The following NBPF3 variants were observed in gnomAD, a reference collection of about 807,000 sequenced individuals.
NBPF3 encodes NBPF family member NBPF3.
A neutral mutation model predicts 78.1 loss-of-function variants in NBPF3; 57 were observed. That is an observed-to-expected ratio of 0.73 (90% CI 0.59 to 0.91). The LOEUF (loss-of-function observed/expected upper bound fraction) is 0.91. Among genes scored for constraint, NBPF3 ranks in the 40% least tolerant of loss-of-function variants. The pLI, the probability that NBPF3 is intolerant of heterozygous loss-of-function variation, is 0.00. For synonymous variants in NBPF3, 182 were observed against 271.7 expected (o/e 0.67, Z 3.25); for missense variants, 510 against 715.3 (o/e 0.71, Z 3.27).
intron 2 of NBPF3, among the ~76,000 whole-genome samples, chr1:21,451,100 T>C (rs1167217342): frequency 1.3e-5 from 2 of 152,248 alleles, no homozygotes. Flanking sequence ...CACACTCTTT[T>C]GCATATGGCT....
chr1:21,457,304 A>T (rs1641659656), intron 2 of NBPF3, among the ~76,000 whole-genome samples: 1 of 150,976 alleles, frequency 6.6e-6, no homozygotes, highest in Admixed American at 6.6e-5. Flanking sequence ...AATATAGGAG[A>T]TATCATATTT....
rs1346138930 is a variant in NBPF3 at position 21,460,343 on chromosome 1, C to T, written c.134-8345C>T. Among the ~76,000 whole-genome samples the T allele has an allele frequency of 2.0e-5, 3 of 152,118 alleles. No individual in the cohort carries two copies. The highest frequency in any genetic ancestry group is 4.4e-5 in the Non-Finnish European group (3 of 68,028). ...CACCCATTAACTCGTCATTTACATTCGGTATTTCTCCTAATGCTATCCCTC... is the reference window on the plus strand; with the variant it reads ...CACCCATTAACTCGTCATTTACATTTGGTATTTCTCCTAATGCTATCCCTC... On this transcript the variant is annotated intron_variant, in intron 2 of 14. Transcript: ENST00000318249. This position sits in a 1 kb window ranked among gnomAD's most constrained non-coding sequence, Gnocchi z 4.2.
At chr1:21,478,375 G>A in intron 9 of NBPF3, 68 bp downstream of exon 9, 1 of 1,552,016 alleles carries the variant, frequency 6.4e-7, no homozygotes. Flanking sequence ...TAATCTTTGG[G>A]CCTTGTGACC....
At chr1:21,474,873 G>A (rs1642806716) in intron 7 of NBPF3, 27 bp from the exon 8 acceptor site, 1 of 1,591,000 alleles carries the variant, frequency 6.3e-7, no homozygotes, top group Non-Finnish European at 8.6e-7. Context: ...TGCTTAATGT[G>A]ACCTGCTTCT....
At chr1:21,461,876 C>T (rs7367510) in intron 2 of NBPF3, among the ~76,000 whole-genome samples, 2 of 152,170 alleles carry the variant, frequency 1.3e-5, no homozygotes. Flanking sequence ...TCCCCAGTGT[C>T]GGAGGTGGGG....
Position 21,476,984 on chromosome 1 carries a change from C to CT in NBPF3, c.993-1154dup, listed in dbSNP as rs938371693. 2.0e-4 allele frequency among the ~76,000 whole-genome samples: 30 copies of CT among 152,140 alleles called. No homozygotes were observed. The highest frequency in any genetic ancestry group is 1.4e-3 in the Admixed American group (21 of 15,272). ...GAGGCTTTGTTCATTTCTTTTTACT[C>CT]TTTTTTCTCTAAACTGCTCTTCTCA... On this transcript the variant is annotated intron_variant, in intron 8 of 14. Transcript: ENST00000318249. This position sits in a 1 kb window ranked among gnomAD's most constrained non-coding sequence, Gnocchi z 4.1.
intron 9 of NBPF3, among the ~76,000 whole-genome samples, chr1:21,478,872 A>G (rs1643024833): frequency 6.6e-6 from 1 of 152,138 alleles, no homozygotes; most frequent in Non-Finnish European, 1.5e-5. Context: ...CTGACTTTTC[A>G]CCCACAAAAG....
At chr1:21,449,214 T>C (rs1190340076) in intron 2 of NBPF3, among the ~76,000 whole-genome samples, 2 of 152,120 alleles carry the variant, frequency 1.3e-5, no homozygotes, top group African/African-American at 4.8e-5. Context: ...CTTTATATAG[T>C]GGACTATTGT....
At chr1:21,471,384 A>T (rs1308700544) in intron 4 of NBPF3, among the ~76,000 whole-genome samples, 185 bp from the exon 5 acceptor site, 2 of 152,208 alleles carry the variant, frequency 1.3e-5, no homozygotes, top group Non-Finnish European at 2.9e-5. Context: ...CCTCTCTCAT[A>T]CAGAGGAAGC....
At chr1:21,468,946 C>A in intron 3 of NBPF3, 49 bp downstream of exon 3, 1 of 1,397,496 alleles carries the variant, frequency 7.2e-7, no homozygotes, top group Non-Finnish European at 1.0e-6. Flanking sequence ...GATGTCCTGT[C>A]TTCTCGCTGA....
chr1:21,480,680 C>T lies in NBPF3; in HGVS notation c.1382-250C>T, dbSNP rs1367768778. Among the ~76,000 whole-genome samples the T allele has an allele frequency of 2.0e-5, 3 of 152,310 alleles. No individual in the cohort carries two copies. The East Asian group carries it at 5.8e-4, about 29-fold the overall frequency. On this transcript the variant is annotated intron_variant, in intron 11 of 14. Coordinates refer to ENST00000318249, the MANE Select transcript of NBPF3 (RefSeq NM_032264.6). ...GGGAGCAATAAGGCATAACTGTTTG[C>T]ACAAACTTGGGATAAATGATTTTGG...
Position 21,466,185 on chromosome 1 carries a change from C to T in NBPF3, c.134-2503C>T, listed in dbSNP as rs140408046. 465 of 932,684 alleles carry T rather than the reference C, an allele frequency of 5.0e-4. 6 individuals are homozygous for T. The East Asian group carries it at 0.037, about 74-fold the overall frequency. 57.8% of individuals were successfully genotyped at this position (932,684 alleles called of 1,614,324 possible). The stretch of plus-strand genomic sequence containing the variant: ...AGTGCAGGGGCAAGTCCAGGTCATA[C>T]TGAGAGACAACGAGTGGCGCTGACA... On this transcript the variant is annotated intron_variant, in intron 2 of 14. Transcript: ENST00000318249.
intron 3 of NBPF3, among the ~76,000 whole-genome samples, chr1:21,470,233 A>G (rs1430227818): frequency 6.6e-6 from 1 of 152,242 alleles, no homozygotes; most frequent in Non-Finnish European, 1.5e-5. Context: ...AAGGGAAACC[A>G]TCAGTCCCAT....
rs371433372 is a variant in NBPF3, at chr1:21,445,207, C to T, written c.121C>T (p.Arg41Ter). The stretch of plus-strand genomic sequence containing the variant: ...TGGTGTGGGCCGACATCAAGAGCTG[C>T]GAGATCCAACAGGTAAAAATCCCGA... ...SHGVGRHQEL[R>*]DPTVPGPTSS... The change falls in exon 2 of 15, where the codon CGA becomes TGA. Residue 41 changes from arginine (R) to a stop codon, truncating the protein, a stop_gained. Transcript: ENST00000318249. LOFTEE classifies it high-confidence loss of function. 133 of 1,611,512 alleles carry T rather than the reference C, an allele frequency of 8.3e-5. No homozygotes were observed. The highest frequency in any genetic ancestry group is 1.1e-4 in the Non-Finnish European group (125 of 1,179,598).
rs1642918858 is a variant in NBPF3 at position 21,476,999 on chromosome 1, T to G, written c.993-1145T>G. ...TCTTTTTACTCTTTTTTCTCTAAAC[T>G]GCTCTTCTCACTTCATTTCATTAAT... On this transcript the variant is annotated intron_variant, in intron 8 of 14. Coordinates refer to ENST00000318249, the MANE Select transcript of NBPF3 (RefSeq NM_032264.6). The surrounding 1 kb of genome is among the most constrained non-coding windows in gnomAD (Gnocchi z 4.1). 6.6e-6 allele frequency among the ~76,000 whole-genome samples: 1 copy of G among 152,240 alleles called. No homozygotes were observed. Among genetic ancestry groups the G allele is most frequent in the South Asian group, 2.1e-4 (1 of 4,826 alleles).
chr1:21,445,304 G>T, intron 2 of NBPF3, 85 bp downstream of exon 2: 1 of 1,487,352 alleles, frequency 6.7e-7, no homozygotes, highest in South Asian at 1.2e-5. Context: ...AAGATGTCAA[G>T]GTCCCTAAAC....
chr1:21,472,585 G>A (rs1180038936), intron 5 of NBPF3, among the ~76,000 whole-genome samples: 2 of 152,260 alleles, frequency 1.3e-5, no homozygotes, highest in Middle Eastern at 3.2e-3. Context: ...GAGAGAGGCT[G>A]TAGGAGCCTC....
At chr1:21,448,101 G>A (rs193104166) in intron 2 of NBPF3, among the ~76,000 whole-genome samples, 1 of 151,726 alleles carries the variant, frequency 6.6e-6, no homozygotes, top group East Asian at 1.9e-4. Flanking sequence ...CCATTCTCTT[G>A]ACAGTGTCTT....
chr1:21,440,112 TGCAGGCGCAGGCGCAGGC>T (rs66732917), upstream of NBPF3: 3 of 151,614 alleles, frequency 2.0e-5, no homozygotes, highest in African/African-American at 7.3e-5. Context: ...GCCAGTGGGC[TGCAGGCGCAGGCGCAGGC>T]GCAGGCACAG....
Sources: allele counts gnomAD v4.1 joint callset (sites outside exome capture counted in the v4.1 genomes callset), GRCh38; gene constraint gnomAD v4.1.1; non-coding constraint Gnocchi (gnomAD v3.1); transcripts MANE v1.5; gene names NCBI Gene and HGNC (gene_info 2026-07-23, HGNC 2026-07-21).